The following RAB10 variants were observed in gnomAD, a reference collection of about 807,000 sequenced individuals.
RAB10 encodes ras-related protein Rab-10.
RAB10 carries 5 observed loss-of-function variants against 25.7 expected under a neutral mutation model. The observed-to-expected ratio is 0.19, with a 90% CI of 0.10 to 0.41. The LOEUF (loss-of-function observed/expected upper bound fraction) is 0.41. RAB10 is among the 10% of genes least tolerant of loss of function. The pLI is 1.00. For synonymous variants in RAB10, 89 were observed against 86.4 expected (o/e 1.03, Z -0.16); for missense variants, 103 against 245.8 (o/e 0.42, Z 3.89).
intron 1 of RAB10, among the ~76,000 whole-genome samples, chr2:26,066,574 G>T (rs769779693): frequency 2.6e-5 from 4 of 152,044 alleles, no homozygotes; most frequent in Non-Finnish European, 5.9e-5. Flanking sequence ...AAGGCAGGGC[G>T]GCAGGAGAGA....
At chr2:26,087,003 G>A (rs1667001717) in intron 1 of RAB10, among the ~76,000 whole-genome samples, 1 of 152,122 alleles carries the variant, frequency 6.6e-6, no homozygotes, top group African/African-American at 2.4e-5. Context: ...ATGGATATGG[G>A]GTCGTTTTGA....
intron 1 of RAB10, 42 bp downstream of exon 1, chr2:26,034,777 A>C: frequency 6.2e-7 from 1 of 1,609,702 alleles, no homozygotes; most frequent in Non-Finnish European, 8.5e-7. Context: ...CGGTAGCTGC[A>C]TACCGTTTAT....
chr2:26,062,196 G>C (rs768739862), intron 1 of RAB10, among the ~76,000 whole-genome samples: 15 of 152,140 alleles, frequency 9.9e-5, no homozygotes, highest in Non-Finnish European at 1.5e-4. Flanking sequence ...GTGCCTGTTA[G>C]TTTAAAAACA....
At chr2:26,091,924 A>C (rs1025926034) in intron 1 of RAB10, among the ~76,000 whole-genome samples, 2 of 152,080 alleles carry the variant, frequency 1.3e-5, no homozygotes, top group African/African-American at 4.8e-5. Context: ...GTAATCCCAG[A>C]ACTTTGGGAG....
chr2:26,045,820 G>A (rs934076039), intron 1 of RAB10, among the ~76,000 whole-genome samples: 1 of 152,094 alleles, frequency 6.6e-6, no homozygotes, highest in African/African-American at 2.4e-5. Flanking sequence ...CAGTCTTCCT[G>A]CCTCAGCCTC....
intron 3 of RAB10, 40 bp downstream of exon 3, chr2:26,109,946 AT>A (rs769298707): frequency 1.6e-5 from 24 of 1,495,668 alleles, no homozygotes; most frequent in Non-Finnish European, 2.2e-5. Flanking sequence ...ATGAACACAC[AT>A]TTGTGTGCTT....
intron 2 of RAB10, chr2:26,101,794 CTG>C (rs1359493984): frequency 6.6e-6 from 1 of 152,250 alleles, no homozygotes; most frequent in Non-Finnish European, 1.5e-5. Context: ...TTGTCCCTGA[CTG>C]TGACAAATCC....
intron 1 of RAB10, among the ~76,000 whole-genome samples, chr2:26,095,343 C>A (rs1667189254): frequency 6.6e-6 from 1 of 152,190 alleles, no homozygotes; most frequent in African/African-American, 2.4e-5. Context: ...CGCGGTGGCT[C>A]ATGCCTATAA....
chr2:26,102,479 C>G (rs1667363355), intron 2 of RAB10, among the ~76,000 whole-genome samples: 1 of 146,820 alleles, frequency 6.8e-6, no homozygotes, highest in Non-Finnish European at 1.5e-5. Context: ...CGCTCTGTCA[C>G]CCAGGCTGGA....
chr2:26,093,267 C>T (rs1050862832), intron 1 of RAB10, among the ~76,000 whole-genome samples: 3 of 151,968 alleles, frequency 2.0e-5, no homozygotes, highest in Non-Finnish European at 4.4e-5. Flanking sequence ...TTTTTTCTTC[C>T]GTGGATCCCC....
At chr2:26,092,294 TGTGTGTGTGTGTGTGTG>T (rs1667125070) in intron 1 of RAB10, among the ~76,000 whole-genome samples, 1 of 138,274 alleles carries the variant, frequency 7.2e-6, no homozygotes, top group African/African-American at 3.2e-5. Context: ...TGTGTGTGTG[TGTGTGTGTGTGTGTGTG>T]TGTGTGTGTG....
At chr2:26,069,817 T>A (rs571009698) in intron 1 of RAB10, among the ~76,000 whole-genome samples, 251 of 152,080 alleles carry the variant, frequency 1.7e-3, no homozygotes, top group Non-Finnish European at 2.8e-3. Context: ...GTGATTCTTC[T>A]GCCTCAGCCT....
chr2:26,095,992 T>A (rs1294613096), intron 1 of RAB10, among the ~76,000 whole-genome samples: 1 of 152,202 alleles, frequency 6.6e-6, no homozygotes, highest in South Asian at 2.1e-4. Context: ...GTAACGCCTA[T>A]TTATCTGCTC....
At chr2:26,108,910 TTTATTTA>T in intron 2 of RAB10, among the ~76,000 whole-genome samples, 1 of 150,424 alleles carries the variant, frequency 6.6e-6, no homozygotes, top group Non-Finnish European at 1.5e-5. Flanking sequence ...TATTTATTTA[TTTATTTA>T]TTTATTTATT....
At chr2:26,098,596 T>C (rs1667278573) in intron 1 of RAB10, 66 bp from the exon 2 acceptor site, 2 of 1,202,224 alleles carry the variant, frequency 1.7e-6, no homozygotes, top group African/African-American at 1.5e-5. Flanking sequence ...GTTTTTACTG[T>C]GATTAATTTT....
Position 26,079,958 on chromosome 2 carries a change from C to T in RAB10, c.128-18704C>T, listed in dbSNP as rs1666832781. Among the ~76,000 whole-genome samples the T allele has an allele frequency of 2.0e-5, 3 of 152,182 alleles. No homozygotes were observed. In the South Asian group the frequency reaches 6.2e-4, roughly 31 times the overall value. The stretch of plus-strand genomic sequence containing the variant: ...TATAGATGTGAGCCACTGCTCCCGG[C>T]TTAAATACAATTTCTTAATAAAAGG... On this transcript the variant is annotated intron_variant, in intron 1 of 5. Transcript: ENST00000264710.
intron 1 of RAB10, among the ~76,000 whole-genome samples, chr2:26,076,948 A>G (rs1165075845): frequency 1.6e-5 from 2 of 128,802 alleles, no homozygotes; most frequent in Non-Finnish European, 1.6e-5. Context: ...AAAAAAAGAG[A>G]AAAAAAAAAA....
At chr2:26,099,395 A>G (rs192561631) in intron 2 of RAB10, among the ~76,000 whole-genome samples, 4 of 152,324 alleles carry the variant, frequency 2.6e-5, no homozygotes, top group Admixed American at 2.6e-4. Flanking sequence ...CAGTCAAGAT[A>G]GTGAACATAT....
intron 1 of RAB10, among the ~76,000 whole-genome samples, chr2:26,048,794 G>A (rs1205796602): frequency 6.6e-6 from 1 of 152,198 alleles, no homozygotes; most frequent in African/African-American, 2.4e-5. Flanking sequence ...AGGATCAGCT[G>A]AGGCCAGGGA....
Sources: allele counts gnomAD v4.1 joint callset (sites outside exome capture counted in the v4.1 genomes callset), GRCh38; gene constraint gnomAD v4.1.1; transcripts MANE v1.5; gene names NCBI Gene and HGNC (gene_info 2026-07-23, HGNC 2026-07-21).